The following SGMS2 variants were observed in gnomAD, a reference collection of about 807,000 sequenced individuals.
SGMS2 encodes the protein sphingomyelin synthase 2, also known as phosphatidylcholine:ceramide cholinephosphotransferase 2.
A neutral mutation model predicts 43.8 loss-of-function variants in SGMS2; 21 were observed. The ratio of observed to expected loss-of-function variants is 0.48; its 90% CI spans 0.34 to 0.69. SGMS2 has a LOEUF of 0.69. Among genes scored for constraint, SGMS2 ranks in the 30% least tolerant of loss-of-function variants. SGMS2 has a pLI of 0.01. For missense variants in SGMS2, 384 were observed against 443.2 expected, an observed-to-expected ratio of 0.87 and a Z score of 1.20; for synonymous variants, 167 against 160.6, an observed-to-expected ratio of 1.04 and a Z score of -0.30.
rs1055458055 is a variant in SGMS2, at chr4:107,913,890, A to G, written c.*3337A>G. 6.6e-6 allele frequency: 1 copy of G among 152,088 alleles called. No individual in the cohort carries two copies. Among genetic ancestry groups the G allele is most frequent in the African/African-American group, 2.4e-5 (1 of 41,436 alleles). The allele number at this position is 152,088 out of a possible 1,614,324, so 9.4% of individuals were successfully genotyped here. The stretch of plus-strand genomic sequence containing the variant: ...ATCTTGCCCCTTGAATAGTTTGAAC[A>G]TTTCTTTCTTAATTCTTTTTTGTTT... On this transcript the variant is annotated 3_prime_UTR_variant, in exon 7 of 7. Transcript: ENST00000690982.
At chr4:107,879,438 C>A (rs78222265) in intron 2 of SGMS2, among the ~76,000 whole-genome samples, 5,897 of 150,694 alleles carry the variant, frequency 0.039, 147 homozygotes, top group Non-Finnish European at 0.058. Flanking sequence ...TTTTCTAGTT[C>A]TTTAGAAATA....
intron 2 of SGMS2, chr4:107,894,233 G>A (rs1274976191): frequency 1.3e-5 from 2 of 152,304 alleles, no homozygotes; most frequent in South Asian, 4.1e-4. Context: ...AAATGCAGTG[G>A]ATTGTGCTTA....
At chr4:107,865,033 A>G (rs1380965309) in intron 2 of SGMS2, among the ~76,000 whole-genome samples, 1 of 152,234 alleles carries the variant, frequency 6.6e-6, no homozygotes, top group African/African-American at 2.4e-5. Flanking sequence ...TATTCATAAA[A>G]TATTACTGAA....
At chr4:107,892,010 G>A (rs779720906) in intron 2 of SGMS2, among the ~76,000 whole-genome samples, 9 of 151,584 alleles carry the variant, frequency 5.9e-5, no homozygotes, top group African/African-American at 1.5e-4. Flanking sequence ...GACAAAAGAA[G>A]TTTCTCGGGC....
At position 107,903,264 on chromosome 4, in the gene SGMS2, G is replaced by T. The variant is rs534700067; in HGVS notation, c.605G>T (p.Arg202Leu). 6.2e-7 allele frequency: 1 copy of T among 1,614,010 alleles called. No homozygotes were observed. The change falls in exon 5 of 7, where the codon CGG becomes CTG. Residue 202 changes from arginine (R) to leucine (L), a missense_variant. By Grantham distance (102) the Arg-to-Leu change is moderately radical. Transcript: ENST00000690982. ...LNGDSQAKVQ[R>L]ILRLISGGGL... is the part of the protein sequence containing the mutation. ...GGAGACTCTCAGGCAAAAGTTCAAC[G>T]GATTCTACGATTGATTTCTGGTGGT...
At chr4:107,845,821 G>A (rs1023262120) in intron 1 of SGMS2, among the ~76,000 whole-genome samples, 15 of 152,288 alleles carry the variant, frequency 9.8e-5, no homozygotes, top group Admixed American at 6.5e-4. Flanking sequence ...GGGATAAGGC[G>A]TGTCCTGCCA....
chr4:107,847,839 C>T (rs919150212), intron 1 of SGMS2, among the ~76,000 whole-genome samples: 6 of 152,088 alleles, frequency 3.9e-5, no homozygotes, highest in Non-Finnish European at 8.8e-5. Context: ...ACAGAAAGTA[C>T]TGAGTTCCCA....
At chr4:107,905,932 T>C in intron 5 of SGMS2, among the ~76,000 whole-genome samples, 1 of 152,194 alleles carries the variant, frequency 6.6e-6, no homozygotes, top group Non-Finnish European at 1.5e-5. Context: ...CATTTATATA[T>C]AGTGTGCAAG....
intron 2 of SGMS2, among the ~76,000 whole-genome samples, chr4:107,885,376 T>G (rs1340423482): frequency 6.6e-6 from 1 of 152,312 alleles, no homozygotes; most frequent in Non-Finnish European, 1.5e-5. Flanking sequence ...TTGGTAAAAC[T>G]CAGTATCCAA....
At chr4:107,862,156 G>A (rs748258184) in intron 2 of SGMS2, among the ~76,000 whole-genome samples, 32 of 152,128 alleles carry the variant, frequency 2.1e-4, no homozygotes, top group African/African-American at 6.5e-4. Flanking sequence ...GGAAAGTAGC[G>A]GAGACCTAAA....
intron 1 of SGMS2, among the ~76,000 whole-genome samples, chr4:107,839,377 G>GGTT (rs113019440): frequency 0.04 from 6,116 of 151,694 alleles, 419 homozygotes; most frequent in African/African-American, 0.14. Context: ...GTGTGGAAGT[G>GGTT]GTTTTTTTTT....
At chr4:107,899,020 G>A (rs1355770065) in intron 3 of SGMS2, among the ~76,000 whole-genome samples, 2 of 152,058 alleles carry the variant, frequency 1.3e-5, no homozygotes, top group Non-Finnish European at 2.9e-5. Context: ...GTTCATGCCC[G>A]TATTGTCAAA....
chr4:107,826,714 C>CTAG (rs1327109992), intron 1 of SGMS2, among the ~76,000 whole-genome samples: 1 of 151,820 alleles, frequency 6.6e-6, no homozygotes, highest in Non-Finnish European at 1.5e-5. Flanking sequence ...TTAAGTAAAG[C>CTAG]TAGTTGACTT....
intron 2 of SGMS2, chr4:107,894,117 C>G (rs911904820): frequency 1.3e-5 from 2 of 151,844 alleles, no homozygotes; most frequent in African/African-American, 2.4e-5. Context: ...TGTTTTTTTT[C>G]TTTCATTAAA....
intron 1 of SGMS2, among the ~76,000 whole-genome samples, chr4:107,848,367 G>T (rs1440290380): frequency 2.6e-5 from 4 of 152,166 alleles, no homozygotes; most frequent in Non-Finnish European, 4.4e-5. Context: ...TATGAATAAA[G>T]TTGCTTAAAC....
At position 107,899,590 on chromosome 4, in the gene SGMS2, C is replaced by T. The variant is rs756990426; in HGVS notation, c.471C>T (p.Arg157=). The change falls in exon 4 of 7, where the codon CGC becomes CGT. Residue 157 remains arginine (R), a synonymous_variant. Coordinates refer to ENST00000690982, the MANE Select transcript of SGMS2 (RefSeq NM_001375905.1). ...TTTCTTTTAGGTCAATAGTGGGACG[C>T]AGATTCTGTTTTATTATTGGAACTT... The part of the protein sequence containing the change: ...LFLRYKSIVG[R]RFCFIIGTLY... The T allele has an allele frequency of 6.2e-7, 1 of 1,610,346 alleles. No homozygotes were observed. The highest frequency in any genetic ancestry group is 2.2e-5 in the East Asian group (1 of 44,686).
In SGMS2 at chr4:107,896,027, T is replaced by C; in HGVS notation, c.455+19T>C. 2 of 1,595,234 alleles carry C rather than the reference T, an allele frequency of 1.3e-6. No individual in the cohort carries two copies. The highest frequency in any genetic ancestry group is 1.7e-6 in the Non-Finnish European group (2 of 1,168,328). On this transcript the variant is annotated intron_variant, in intron 3 of 6. Transcript: ENST00000690982. ...GATACAAGTAAGTAAATCTAATGTTTTGAGGATTTGTCATGGGTTTGTTTT... is the reference window on the plus strand; with the variant it reads ...GATACAAGTAAGTAAATCTAATGTTCTGAGGATTTGTCATGGGTTTGTTTT...
chr4:107,842,595 A>G (rs1051741210), intron 1 of SGMS2, among the ~76,000 whole-genome samples: 3 of 152,202 alleles, frequency 2.0e-5, no homozygotes, highest in African/African-American at 4.8e-5. Context: ...AATTAGTTCT[A>G]GTTGTCTGGT....
intron 1 of SGMS2, among the ~76,000 whole-genome samples, chr4:107,828,332 G>A (rs1358022682): frequency 6.6e-6 from 1 of 152,162 alleles, no homozygotes; most frequent in African/African-American, 2.4e-5. Context: ...ACCCGGTGAG[G>A]TAGGTACTCT....
Sources: gnomAD v4.1 joint callset for allele counts (sites outside exome capture counted in the v4.1 genomes callset) on GRCh38, gnomAD v4.1.1 for gene constraint, MANE v1.5 for transcripts, NCBI Gene and HGNC (gene_info 2026-07-23, HGNC 2026-07-21) for gene names.